The following RBPJ variants were observed in gnomAD, a reference collection of about 807,000 sequenced individuals.
The protein encoded by RBPJ is recombining binding protein suppressor of hairless.
Under a neutral mutation model 67.8 loss-of-function variants are expected in RBPJ, and 9 were observed. That is an observed-to-expected ratio of 0.13 (90% CI 0.08 to 0.23). The LOEUF is 0.23. Among genes scored for constraint, RBPJ ranks in the 10% least tolerant of loss-of-function variants. The pLI is 1.00. For missense variants in RBPJ, 305 were observed against 595.6 expected, an observed-to-expected ratio of 0.51 and a Z score of 5.08; for synonymous variants, 198 against 203.3, an observed-to-expected ratio of 0.97 and a Z score of 0.22.
Position 26,213,386 on chromosome 4 carries a change from G to A in RBPJ, c.-167+49772G>A, listed in dbSNP as rs1718505937. On this transcript the variant is annotated intron_variant, in intron 1 of 4. Coordinates refer to the RBPJ transcript ENST00000512351. ...AGGGCAGAGAAAAAAACTGTTGTTT[G>A]GGTTTTTTTTCCTCTAAGAATAAGC... Among the ~76,000 whole-genome samples, 7 of 152,220 alleles carry A rather than the reference G, an allele frequency of 4.6e-5. No individual in the cohort carries two copies. In the South Asian group the frequency reaches 1.4e-3, roughly 31 times the overall value.
At position 26,194,184 on chromosome 4, in the gene RBPJ, T is replaced by C. The variant is rs530394547; in HGVS notation, c.-167+30570T>C. ...CCTATGTCATCTATGTCTAATTTCT[T>C]GGCTGGATACTGGCCTGTCAGCCCC... On this transcript the variant is annotated intron_variant, in intron 1 of 4. Coordinates refer to the RBPJ transcript ENST00000512351. 2.0e-5 allele frequency among the ~76,000 whole-genome samples: 3 copies of C among 152,252 alleles called. No homozygotes were observed. In the South Asian group the frequency reaches 6.2e-4, roughly 31 times the overall value.
chr4:26,423,989 T>G (rs913629111), intron 5 of RBPJ, among the ~76,000 whole-genome samples: 3 of 152,208 alleles, frequency 2.0e-5, no homozygotes, highest in African/African-American at 7.2e-5. Context: ...TATTTTCTTA[T>G]CAGTGTGTTT....
At position 26,430,211 on chromosome 4, in the gene RBPJ, A is replaced by C. The variant is rs182028157; in HGVS notation, c.1044+158A>C. The C allele has an allele frequency of 7.0e-5, 67 of 960,476 alleles. 1 individual carries two copies. In the African/African-American group the frequency reaches 8.1e-4, roughly 12 times the overall value. 59.5% of individuals were successfully genotyped at this position (960,476 alleles called of 1,614,324 possible). ...TTGTTGATTTAAAGAAAAAAAAACA[A>C]AATTAGGAGGAGCGTACTTGCCAGA... is the stretch of plus-strand genomic sequence containing the variant. On this transcript the variant is annotated intron_variant, in intron 9 of 10. Transcript: ENST00000355476. This position sits in a 1 kb window ranked among gnomAD's most constrained non-coding sequence, Gnocchi z 4.1.
At chr4:26,212,447 T>TTTC (rs1718461504) in intron 1 of RBPJ, among the ~76,000 whole-genome samples, 1 of 144,400 alleles carries the variant, frequency 6.9e-6, no homozygotes, top group Non-Finnish European at 1.5e-5. Flanking sequence ...TTTTTTTTTT[T>TTTC]TTTTTTTGAG....
At chr4:26,402,677 C>A (rs1732963221) in intron 2 of RBPJ, among the ~76,000 whole-genome samples, 1 of 152,204 alleles carries the variant, frequency 6.6e-6, no homozygotes, top group Non-Finnish European at 1.5e-5. Flanking sequence ...AGTTCTTCCT[C>A]TTATCAGTTC....
chr4:26,244,414 C>CAT lies in RBPJ; in HGVS notation c.-167+80803_-167+80804dup, dbSNP rs1719844475. ...ATATGTATGCACATATGTGTGTATACATATGTGTGTATATATGTATACATA... is the reference window on the plus strand; with the variant it reads ...ATATGTATGCACATATGTGTGTATACATATATGTGTGTATATATGTATACATA... On this transcript the variant is annotated intron_variant, in intron 1 of 4. Coordinates refer to the RBPJ transcript ENST00000512351. Among the ~76,000 whole-genome samples, 31 of 34,348 alleles carry CAT rather than the reference C, an allele frequency of 9.0e-4. 2 individuals are homozygous for CAT. The highest frequency in any genetic ancestry group is 3.1e-3 in the African/African-American group (25 of 8,124). The allele number at this position is 34,348 out of a possible 152,430, so 22.5% of individuals were successfully genotyped here. A position where few individuals can be genotyped will look rare whatever the true frequency, so the allele number is the denominator to read the frequency against.
intron 3 of RBPJ, among the ~76,000 whole-genome samples, chr4:26,412,502 G>T (rs139715172): frequency 1.5e-4 from 23 of 152,276 alleles, no homozygotes; most frequent in African/African-American, 5.3e-4. Flanking sequence ...AAAGTGCTGG[G>T]ATTATAGGCA....
chr4:26,338,764 G>A (rs1465462297), intron 1 of RBPJ, among the ~76,000 whole-genome samples: 1 of 151,132 alleles, frequency 6.6e-6, no homozygotes, highest in East Asian at 2.0e-4. Flanking sequence ...TAGTAGAGAT[G>A]GGGTTTCACC....
the RBPJ span, among the ~76,000 whole-genome samples, chr4:26,146,038 G>A: frequency 6.6e-6 from 1 of 152,170 alleles, no homozygotes; most frequent in Non-Finnish European, 1.5e-5. Context: ...CTGGGCTCAA[G>A]TAATCCTCCC....
At chr4:26,169,115 G>T (rs1716446497) in intron 1 of RBPJ, among the ~76,000 whole-genome samples, 1 of 152,220 alleles carries the variant, frequency 6.6e-6, no homozygotes. Context: ...TGCTGGTGAG[G>T]AACTGCGTTC....
rs74753620 is a variant in RBPJ at position 26,298,105 on chromosome 4, G to A, written c.-166-64341G>A. Among the ~76,000 whole-genome samples, 534 of 152,140 alleles carry A rather than the reference G, an allele frequency of 3.5e-3. 2 individuals are homozygous for A. Among genetic ancestry groups the A allele is most frequent in the Non-Finnish European group, 5.4e-3 (365 of 68,000 alleles). On this transcript the variant is annotated intron_variant, in intron 1 of 4. Transcript: ENST00000512351. ...TCACCTGAACCACCAACTGAATGCC[G>A]TAGGCCATTTTGAAAACATTCACTA...
intron 1 of RBPJ, among the ~76,000 whole-genome samples, chr4:26,169,385 G>A (rs1288597095): frequency 5.9e-5 from 9 of 152,314 alleles, no homozygotes; most frequent in South Asian, 2.1e-4. Context: ...GCAGAACCTC[G>A]GATTTTCATG....
the RBPJ span, among the ~76,000 whole-genome samples, chr4:26,108,822 G>A: frequency 6.6e-6 from 1 of 152,220 alleles, no homozygotes; most frequent in African/African-American, 2.4e-5. Context: ...CCACTCCACT[G>A]TTGAAAGCTA....
chr4:26,285,664 T>G (rs1721439903), intron 1 of RBPJ, among the ~76,000 whole-genome samples: 2 of 127,842 alleles, frequency 1.6e-5, no homozygotes, highest in East Asian at 4.3e-4. Context: ...ACCTGCTTAA[T>G]GATACTGATA....
rs1736386512 is a variant in RBPJ at position 26,433,203 on chromosome 4, T to A, written c.*2196T>A. ...AAGGGCAGAACTCATTGTGGCCTTATCTTTCTTTGTTGTAATTGTTCACTG... is the reference window on the plus strand; with the variant it reads ...AAGGGCAGAACTCATTGTGGCCTTAACTTTCTTTGTTGTAATTGTTCACTG... On this transcript the variant is annotated 3_prime_UTR_variant, in exon 11 of 11. Coordinates refer to ENST00000355476, the MANE Select transcript of RBPJ (RefSeq NM_015874.6). The A allele has an allele frequency of 6.6e-6, 1 of 152,230 alleles. No individual in the cohort carries two copies. The highest frequency in any genetic ancestry group is 1.5e-5 in the Non-Finnish European group (1 of 68,036). The allele number at this position is 152,230 out of a possible 1,614,324, so 9.4% of individuals were successfully genotyped here.
At chr4:26,165,804 G>A (rs1716261661) in intron 1 of RBPJ, among the ~76,000 whole-genome samples, 1 of 150,682 alleles carries the variant, frequency 6.6e-6, no homozygotes, top group Non-Finnish European at 1.5e-5. Flanking sequence ...CTATGCTGGT[G>A]TGCTGCACCC....
chr4:26,245,719 A>T (rs545454660), intron 1 of RBPJ, among the ~76,000 whole-genome samples: 2 of 152,180 alleles, frequency 1.3e-5, no homozygotes, highest in Non-Finnish European at 2.9e-5. Context: ...TCTTGCAGTT[A>T]GCCCTATAAT....
At chr4:26,294,941 G>A (rs1340192773) in intron 1 of RBPJ, among the ~76,000 whole-genome samples, 6 of 152,078 alleles carry the variant, frequency 3.9e-5, no homozygotes, top group Admixed American at 3.9e-4. Flanking sequence ...ACCTGCCACC[G>A]GGTTGGATAG....
At chr4:26,363,964 G>A (rs1728345747) in intron 1 of RBPJ, among the ~76,000 whole-genome samples, 2 of 151,944 alleles carry the variant, frequency 1.3e-5, no homozygotes, top group Admixed American at 1.3e-4. Context: ...ATGAAATCTT[G>A]GAAACCTGAT....
Sources: allele counts gnomAD v4.1 joint callset (sites outside exome capture counted in the v4.1 genomes callset), GRCh38; gene constraint gnomAD v4.1.1; non-coding constraint Gnocchi (gnomAD v3.1); transcripts MANE v1.5; gene names NCBI Gene and HGNC (gene_info 2026-07-23, HGNC 2026-07-21).